FGA: variants seen among roughly 807,000 people sequenced by gnomAD.
FGA encodes fibrinogen, A alpha polypeptide.
A neutral mutation model predicts 20.3 loss-of-function variants in FGA; 20 were observed. That is an observed-to-expected ratio of 0.99 (90% CI 0.69 to 1.43). The LOEUF (loss-of-function observed/expected upper bound fraction) is 1.43. Among genes scored for constraint, FGA ranks in the 40% most tolerant of loss-of-function variants. FGA has a pLI of 0.00. For missense variants in FGA, 777 were observed against 784.7 expected, an observed-to-expected ratio of 0.99 and a Z score of 0.12; for synonymous variants, 306 against 281.6, an observed-to-expected ratio of 1.09 and a Z score of -0.87.
rs1467769676 is a variant in FGA, at chr4:154,586,744, C to G, written c.685G>C (p.Val229Leu). The change falls in exon 5 of 5, where the codon GTT becomes CTT. Residue 229 changes from valine to leucine, a missense_variant. Transcript: ENST00000403106. The part of the protein sequence containing the change: ...QHLPLIKMKP[V>L]PDLVPGNFKS... ...AAATTTCCGGGAACCAAGTCTGGAA[C>G]TGGTTTCATTTTTATCAGTGGTAAG... The G allele has an allele frequency of 6.2e-7, 1 of 1,614,054 alleles. No homozygotes were observed. Among genetic ancestry groups the G allele is most frequent in the Non-Finnish European group, 8.5e-7 (1 of 1,180,032 alleles).
downstream of FGA, chr4:154,584,007 A>G (rs1372605256): frequency 2.5e-6 from 2 of 813,702 alleles, no homozygotes; most frequent in Non-Finnish European, 4.3e-6. Flanking sequence ...AAAGGATAAG[A>G]AAATAGCACC....
intron 3 of FGA, 61 bp from the exon 4 acceptor site, chr4:154,587,718 A>C: frequency 2.2e-6 from 3 of 1,343,498 alleles, no homozygotes; most frequent in Non-Finnish European, 3.2e-6. Context: ...AATTGCCAGC[A>C]AAAAAGAAAG....
At position 154,586,076 on chromosome 4, in the gene FGA, A is replaced by G; in HGVS notation, c.1353T>C (p.Ser451=). 2.5e-6 allele frequency: 4 copies of G among 1,614,180 alleles called. No homozygotes were observed. The highest frequency in any genetic ancestry group is 3.4e-6 in the Non-Finnish European group (4 of 1,180,022). ...AACGACGCGTGGTGGTTGTGCTACCAGAGGTGACCTTCTCTTTACCAGTCC... is the reference window on the plus strand; with the variant it reads ...AACGACGCGTGGTGGTTGTGCTACCGGAGGTGACCTTCTCTTTACCAGTCC... The part of the protein sequence containing the change: ...ELRTGKEKVT[S]GSTTTTRRSC... Residue 451 remains serine (S), a synonymous_variant, in exon 5 of 5, where the codon TCT becomes TCC. Transcript: ENST00000403106.
downstream of FGA, chr4:154,585,172 A>G (rs576594786): frequency 1.7e-4 from 193 of 1,155,724 alleles, no homozygotes; most frequent in Middle Eastern, 2.3e-3. Context: ...ACTGAGACAC[A>G]TACTAAAAAT....
Position 154,585,866 on chromosome 4 carries a change from G to A in FGA, c.1563C>T (p.Asp521=), listed in dbSNP as rs2110809236. The change falls in exon 5 of 5, where the codon GAC becomes GAT. Residue 521 remains aspartate (D), a synonymous_variant. Coordinates refer to ENST00000403106, the MANE Select transcript of FGA (RefSeq NM_021871.4). The part of the protein sequence containing the change: ...HRHPDEAAFF[D]TASTGKTFPG... ...GGAATGTTTTTCCAGTTGAGGCAGT[G>A]TCGAAGAAGGCAGCTTCATCAGGGT... The A allele has an allele frequency of 6.2e-7, 1 of 1,614,124 alleles. No homozygotes were observed. The highest frequency in any genetic ancestry group is 1.1e-5 in the South Asian group (1 of 91,082).
intron 3 of FGA, among the ~76,000 whole-genome samples, chr4:154,588,106 T>C (rs1017527465): frequency 2.0e-5 from 3 of 152,266 alleles, no homozygotes; most frequent in Non-Finnish European, 4.4e-5. Context: ...ATTTTCTTAC[T>C]GATGAGCTTT....
chr4:154,589,472 C>CTT lies in FGA; in HGVS notation c.143_144dup (p.Asp49LysfsTer23). The CTT allele has an allele frequency of 6.2e-7, 1 of 1,614,158 alleles. No individual in the cohort carries two copies. The highest frequency in any genetic ancestry group is 8.5e-7 in the Non-Finnish European group (1 of 1,180,022). On this transcript the variant is annotated frameshift_variant, in exon 2 of 5. Transcript: ENST00000403106. LOFTEE classifies it high-confidence loss of function. ...TCAGAGCAGAAGGGCCAGTCTGAAT[C>CTT]TTTGCAGGCAGATTGATGTCTTTCC...
downstream of FGA, chr4:154,584,480 C>G: frequency 6.2e-7 from 1 of 1,614,194 alleles, no homozygotes; most frequent in Non-Finnish European, 8.5e-7. Flanking sequence ...GCATAGCCTT[C>G]AGCCTCAGAG....
In FGA at chr4:154,590,669, C is replaced by A. The variant is rs184672247; in HGVS notation, c.19G>T (p.Val7Phe). Residue 7 changes from valine (V) to phenylalanine (F), a missense_variant, in exon 1 of 5, where the codon GTC becomes TTC. By Grantham distance (50) the Val-to-Phe change is conservative. Coordinates refer to ENST00000403106, the MANE Select transcript of FGA (RefSeq NM_021871.4). MFSMRIVCLVLSVVGTA... is the reference protein window; with the variant it reads MFSMRIFCLVLSVVGTA... ...CCCACCACACTTAGGACCAGGCAGA[C>A]GATCCTCATGGAAAACATCTTTTCT... The A allele has an allele frequency of 2.1e-5, 33 of 1,558,150 alleles. 1 individual carries two copies. The South Asian group carries it at 3.3e-4, about 16-fold the overall frequency.
downstream of FGA, chr4:154,585,147 C>T (rs1730675268): frequency 2.2e-6 from 2 of 922,454 alleles, no homozygotes; most frequent in Admixed American, 6.9e-5. Flanking sequence ...TGTATTTAGC[C>T]TGACCTAAAT....
rs760674942 is a variant in FGA at position 154,586,733 on chromosome 4, C to A, written c.696G>T (p.Leu232Phe). 1.9e-6 allele frequency: 3 copies of A among 1,614,182 alleles called. No individual in the cohort carries two copies. Among genetic ancestry groups the A allele is most frequent in the Non-Finnish European group, 2.5e-6 (3 of 1,180,018 alleles). ...PLIKMKPVPD[L>F]VPGNFKSQLQ... ...GCTGGCTCTTAAAATTTCCGGGAAC[C>A]AAGTCTGGAACTGGTTTCATTTTTA... The change falls in exon 5 of 5, where the codon TTG (leucine) becomes TTT (phenylalanine). Residue 232 changes from leucine to phenylalanine, a missense_variant. Transcript: ENST00000403106.
In FGA at chr4:154,585,525, G is replaced by A. The variant is rs201829743; in HGVS notation, c.1904C>T (p.Ser635Phe). Reference protein sequence around the residue: ...KSRPVRGIHTSPLGKPSLSP With the variant: ...KSRPVRGIHTFPLGKPSLSP The stretch of plus-strand genomic sequence containing the variant: ...GGACAGGGAAGGCTTCCCCAAAGGA[G>A]AAGTGTGGATACCTCTGACAGGGCG... The change falls in exon 5 of 5, where the codon TCT becomes TTT. Residue 635 changes from serine to phenylalanine, a missense_variant. By Grantham distance (155) the Ser-to-Phe change is radical. Coordinates refer to ENST00000403106, the MANE Select transcript of FGA (RefSeq NM_021871.4). 2 of 1,612,332 alleles carry A rather than the reference G, an allele frequency of 1.2e-6. No individual in the cohort carries two copies. Among genetic ancestry groups the A allele is most frequent in the African/African-American group, 2.7e-5 (2 of 75,012 alleles).
At position 154,587,521 on chromosome 4, in the gene FGA, T is replaced by C. The variant is rs1730756845; in HGVS notation, c.501A>G (p.Lys167=). The change falls in exon 4 of 5, where the codon AAA becomes AAG. Residue 167 remains lysine, a synonymous_variant. Coordinates refer to ENST00000403106, the MANE Select transcript of FGA (RefSeq NM_021871.4). ...ACAGCCACATACTTACCTCCAGTCG[T>C]TTCATATCAACCAACTGAGCTCTAA... ...KNVRAQLVDM[K]RLEVDIDIKI... 5 of 1,613,822 alleles carry C rather than the reference T, an allele frequency of 3.1e-6. No homozygotes were observed. Among genetic ancestry groups the C allele is most frequent in the Non-Finnish European group, 3.4e-6 (4 of 1,179,864 alleles).
downstream of FGA, chr4:154,584,848 A>C (rs745324835): frequency 6.3e-7 from 1 of 1,576,792 alleles, no homozygotes; most frequent in Admixed American, 1.7e-5. Context: ...AAAAAAAATT[A>C]AGCTGGTTGG....
intron 4 of FGA, 116 bp from the exon 5 acceptor site, chr4:154,587,034 C>T (rs953600531): frequency 2.1e-6 from 2 of 972,590 alleles, no homozygotes; most frequent in East Asian, 2.6e-5. Flanking sequence ...TTTTTTGACT[C>T]GGAGACCTAC....
At position 154,586,441 on chromosome 4, in the gene FGA, T is replaced by G. The variant is rs1370102996; in HGVS notation, c.988A>C (p.Ser330Arg). Residue 330 changes from serine to arginine, a missense_variant, in exon 5 of 5, where the codon AGT (serine) becomes CGT (arginine). Ser to Arg is a moderately radical substitution (Grantham distance 110). Coordinates refer to ENST00000403106, the MANE Select transcript of FGA (RefSeq NM_021871.4). ...TWKPGSSGPG[S>R]TGSWNSGSSG... ...CTCCCAGAGTTCCAGCTTCCAGTAC[T>G]TCCAGGTCCAGAGCTCCCAGGTTTC... 2 of 1,609,552 alleles carry G rather than the reference T, an allele frequency of 1.2e-6. No homozygotes were observed. The highest frequency in any genetic ancestry group is 1.7e-6 in the Non-Finnish European group (2 of 1,177,186).
chr4:154,590,549 T>C (rs995145286), intron 1 of FGA, 85 bp downstream of exon 1: 1 of 1,133,546 alleles, frequency 8.8e-7, no homozygotes, highest in Non-Finnish European at 1.3e-6. Context: ...TGTCAGGACA[T>C]AGAGCAGGTA....
rs532470007 is a variant in FGA, at chr4:154,587,666, G to A, written c.365-9C>T. 1.9e-5 allele frequency: 31 copies of A among 1,612,402 alleles called. No individual in the cohort carries two copies. In the East Asian group the frequency reaches 5.1e-4, roughly 27 times the overall value. On this transcript the variant is annotated splice_polypyrimidine_tract_variant and intron_variant, in intron 3 of 4. Coordinates refer to ENST00000403106, the MANE Select transcript of FGA (RefSeq NM_021871.4). ...GTAGGTATTATCACGGTCTGAAATCGAAAATATGGTTATTGAAGTAGCTGC... is the reference window on the plus strand; with the variant it reads ...GTAGGTATTATCACGGTCTGAAATCAAAAATATGGTTATTGAAGTAGCTGC...
At position 154,585,606 on chromosome 4, in the gene FGA, C is replaced by G. The variant is rs370873387; in HGVS notation, c.1823G>C (p.Gly608Ala). The stretch of plus-strand genomic sequence containing the variant: ...TGTTCCTTCATGATCGGCTTCACTT[C>G]CGGCCTCATCTGCCATTTTATAGCT... ...SKSYKMADEA[G>A]SEADHEGTHS... The change falls in exon 5 of 5, where the codon GGA becomes GCA. Residue 608 changes from glycine (G) to alanine (A), a missense_variant. Coordinates refer to ENST00000403106, the MANE Select transcript of FGA (RefSeq NM_021871.4). 2.1e-4 allele frequency: 341 copies of G among 1,614,084 alleles called. 1 individual carries two copies. The highest frequency in any genetic ancestry group is 2.8e-4 in the Non-Finnish European group (326 of 1,180,040).
Sources: gnomAD v4.1 joint callset for allele counts (sites outside exome capture counted in the v4.1 genomes callset) on GRCh38, gnomAD v4.1.1 for gene constraint, MANE v1.5 for transcripts, NCBI Gene and HGNC (gene_info 2026-07-23, HGNC 2026-07-21) for gene names.